Variants in RFX2 observed in about 807,000 individuals in gnomAD.
RFX2 encodes DNA-binding protein RFX2.
RFX2 carries 20 observed loss-of-function variants against 87.8 expected under a neutral mutation model. The observed-to-expected ratio is 0.23, with a 90% CI of 0.16 to 0.33. The LOEUF is 0.33. Among genes scored for constraint, RFX2 ranks in the 10% least tolerant of loss-of-function variants. The pLI, the probability that RFX2 is intolerant of heterozygous loss-of-function variation, is 1.00. For synonymous variants in RFX2, 397 were observed against 431.3 expected, an observed-to-expected ratio of 0.92 and a Z score of 0.98; for missense variants, 767 against 1,012.3, an observed-to-expected ratio of 0.76 and a Z score of 3.29.
chr19:6,030,681 T>C (rs984644155), intron 5 of RFX2, among the ~76,000 whole-genome samples: 2 of 152,156 alleles, frequency 1.3e-5, no homozygotes, highest in African/African-American at 4.8e-5. Context: ...ATAATGGTGA[T>C]TGTACCACAC....
chr19:5,995,500 C>T (rs1034400112), intron 17 of RFX2, 101 bp downstream of exon 17: 19 of 1,222,630 alleles, frequency 1.6e-5, no homozygotes, highest in African/African-American at 3.0e-5. Flanking sequence ...AGGGGCTGCC[C>T]GCATTTCCAC....
rs567656467 is a variant in RFX2 at position 6,064,659 on chromosome 19, C to T, written c.-8-17155G>A. On this transcript the variant is annotated intron_variant, in intron 1 of 17. Transcript: ENST00000303657. The surrounding 1 kb of genome is among the most constrained non-coding windows in gnomAD (Gnocchi z 4.8). ...GTCTCGTCCTGCCTGTGTGACCCTTCCTCCTGACAGCCATCTCTAGAGACA... is the reference window on the plus strand; with the variant it reads ...GTCTCGTCCTGCCTGTGTGACCCTTTCTCCTGACAGCCATCTCTAGAGACA... Among the ~76,000 whole-genome samples, 13 of 152,344 alleles carry T rather than the reference C, an allele frequency of 8.5e-5. No homozygotes were observed. The South Asian group carries it at 2.7e-3, about 32-fold the overall frequency.
At chr19:6,043,675 AT>A (rs2087144883) in intron 3 of RFX2, among the ~76,000 whole-genome samples, 1 of 152,154 alleles carries the variant, frequency 6.6e-6, no homozygotes, top group Non-Finnish European at 1.5e-5. Flanking sequence ...ACCCCCAAAA[AT>A]GTATAATTTG....
In RFX2 at chr19:6,040,163, G is replaced by A. The variant is rs139786825; in HGVS notation, c.339C>T (p.Gly113=). 2.7e-5 allele frequency: 43 copies of A among 1,600,860 alleles called. No homozygotes were observed. The highest frequency in any genetic ancestry group is 1.7e-4 in the Middle Eastern group (1 of 5,986). ...AGGCTGCCACGGTCACCTGGGCACC[G>A]CCTGGGGCCTCGAAGTAAGAAGCCG... The part of the protein sequence containing the change: ...SSTASYFEAP[G]GAQVTVAASS... Residue 113 remains glycine (G), a synonymous_variant, in exon 5 of 18, where the codon GGC becomes GGT. Coordinates refer to ENST00000303657, the MANE Select transcript of RFX2 (RefSeq NM_000635.4). The surrounding 1 kb of genome is among the most constrained non-coding windows in gnomAD (Gnocchi z 6.1).
At position 6,002,519 on chromosome 19, in the gene RFX2, G is replaced by A. The variant is rs925424582; in HGVS notation, c.1650+202C>T. On this transcript the variant is annotated intron_variant, in intron 14 of 17. Transcript: ENST00000303657. This position sits in a 1 kb window ranked among gnomAD's most constrained non-coding sequence, Gnocchi z 6.7. Reference sequence around the variant, plus strand: ...GAAGTGTTGGCCACAGCGCCTGGACGCCAGAGGGCCCTGAGAGATGATGGA... The same window carrying A: ...GAAGTGTTGGCCACAGCGCCTGGACACCAGAGGGCCCTGAGAGATGATGGA... Among the ~76,000 whole-genome samples the A allele has an allele frequency of 4.6e-5, 7 of 152,214 alleles. No homozygotes were observed. The highest frequency in any genetic ancestry group is 7.3e-5 in the Non-Finnish European group (5 of 68,044).
intron 1 of RFX2, chr19:6,109,205 CT>C (rs1196236906): frequency 6.6e-6 from 1 of 151,244 alleles, no homozygotes; most frequent in Non-Finnish European, 1.5e-5. Flanking sequence ...GTTGGTGAAA[CT>C]TTTCTCCCTT....
At position 6,064,848 on chromosome 19, in the gene RFX2, A is replaced by T. The variant is rs1292234965; in HGVS notation, c.-8-17344T>A. Among the ~76,000 whole-genome samples, 1 of 152,184 alleles carries T rather than the reference A, an allele frequency of 6.6e-6. No homozygotes were observed. The highest frequency in any genetic ancestry group is 2.4e-5 in the African/African-American group (1 of 41,442). On this transcript the variant is annotated intron_variant, in intron 1 of 17. Transcript: ENST00000303657. The surrounding 1 kb of genome is among the most constrained non-coding windows in gnomAD (Gnocchi z 4.8). ...CAGTCGTGATTTGATTCTGGAATTT[A>T]AGAAGCGGAGAAAGAGCCTAGTTCA...
rs1568507557 is a variant in RFX2, at chr19:6,016,052, A to C, written c.779+38T>G. 2.6e-6 allele frequency: 4 copies of C among 1,536,816 alleles called. No homozygotes were observed. Among genetic ancestry groups the C allele is most frequent in the Middle Eastern group, 2.3e-4 (1 of 4,402 alleles). ...CAAAAGCTCCATTTCTTGGGAAAGG[A>C]AGAGGAAGAACAGGTGGGCTGGGGA... On this transcript the variant is annotated intron_variant, in intron 7 of 17. Coordinates refer to ENST00000303657, the MANE Select transcript of RFX2 (RefSeq NM_000635.4). The surrounding 1 kb of genome is among the most constrained non-coding windows in gnomAD (Gnocchi z 5.4).
In RFX2 at chr19:6,056,586, G is replaced by A. The variant is rs566873909; in HGVS notation, c.-8-9082C>T. On this transcript the variant is annotated intron_variant, in intron 1 of 17. Transcript: ENST00000303657. This position sits in a 1 kb window ranked among gnomAD's most constrained non-coding sequence, Gnocchi z 4.6. ...CAAGGTAAAGTCCACAGGGCACAGGGACGCACACTGTGGAGCACCTTTGCA... is the reference window on the plus strand; with the variant it reads ...CAAGGTAAAGTCCACAGGGCACAGGAACGCACACTGTGGAGCACCTTTGCA... Among the ~76,000 whole-genome samples the A allele has an allele frequency of 6.6e-6, 1 of 152,288 alleles. No individual in the cohort carries two copies. The highest frequency in any genetic ancestry group is 1.9e-4 in the East Asian group (1 of 5,182).
Position 6,002,809 on chromosome 19 carries a change from G to C in RFX2, c.1562C>G (p.Ala521Gly), listed in dbSNP as rs1015499615. 2.5e-6 allele frequency: 4 copies of C among 1,613,470 alleles called. No individual in the cohort carries two copies. In the African/African-American group the frequency reaches 5.3e-5, roughly 22 times the overall value. The stretch of plus-strand genomic sequence containing the variant: ...CTGCAGCACCGCCCGGGCCGCCTGC[G>C]CCAGGTGGTTGAGGGACGTGTAGCG... ...LRRYTSLNHL[A>G]QAARAVLQNT... The change falls in exon 14 of 18, where the codon GCG becomes GGG. Residue 521 changes from alanine (A) to glycine (G), a missense_variant. Ala to Gly is a moderately conservative substitution (Grantham distance 60, BLOSUM62 0). Transcript: ENST00000303657. This position sits in a 1 kb window ranked among gnomAD's most constrained non-coding sequence, Gnocchi z 6.7.
intron 1 of RFX2, chr19:6,073,110 G>T (rs2087632851): frequency 2.2e-6 from 1 of 447,108 alleles, no homozygotes; most frequent in African/African-American, 2.0e-5. Flanking sequence ...CTCCAGAGTA[G>T]CTGGGATTAC....
intron 1 of RFX2, among the ~76,000 whole-genome samples, chr19:6,079,915 G>T (rs2144855891): frequency 6.9e-6 from 1 of 145,946 alleles, no homozygotes; most frequent in African/African-American, 2.5e-5. Context: ...ATGCAAGTGT[G>T]AAAAACCATA....
chr19:6,010,021 G>T lies in RFX2; in HGVS notation c.1015+115C>A, dbSNP rs79172370. 3,793 of 548,136 alleles carry T rather than the reference G, an allele frequency of 6.9e-3. 88 individuals are homozygous for T. Among genetic ancestry groups the T allele is most frequent in the East Asian group, 0.069 (2,413 of 34,944 alleles). 34.0% of individuals were successfully genotyped at this position (548,136 alleles called of 1,614,324 possible). A position where few individuals can be genotyped will look rare whatever the true frequency, so the allele number is the denominator to read the frequency against. On this transcript the variant is annotated intron_variant, in intron 9 of 17. Transcript: ENST00000303657. This position sits in a 1 kb window ranked among gnomAD's most constrained non-coding sequence, Gnocchi z 5.0. ...TTCTATTTGTCCGAAAAGGTGTCTC[G>T]TAAGAAAACTGTCGGAAGCAGACGC...
intron 3 of RFX2, 77 bp from the exon 4 acceptor site, chr19:6,042,200 T>C: frequency 7.9e-7 from 1 of 1,268,678 alleles, no homozygotes. Flanking sequence ...GCTAGACGTG[T>C]CTTCTATTGC....
chr19:6,104,035 C>T (rs545757299), intron 1 of RFX2, among the ~76,000 whole-genome samples: 27 of 152,122 alleles, frequency 1.8e-4, no homozygotes, highest in Non-Finnish European at 3.4e-4. Flanking sequence ...CTATTATTAT[C>T]GATTTCACAG....
At position 5,999,782 on chromosome 19, in the gene RFX2, C is replaced by A. The variant is rs1310003048; in HGVS notation, c.1859+2033G>T. Among the ~76,000 whole-genome samples, 1 of 151,914 alleles carries A rather than the reference C, an allele frequency of 6.6e-6. No individual in the cohort carries two copies. The highest frequency in any genetic ancestry group is 1.5e-5 in the Non-Finnish European group (1 of 67,998). ...GGCATGCAAAGTGGGAAAGAATGGG[C>A]CGTCTTATTTACAGAGGCTGGGGGT... On this transcript the variant is annotated intron_variant, in intron 15 of 17. Transcript: ENST00000303657. This position sits in a 1 kb window ranked among gnomAD's most constrained non-coding sequence, Gnocchi z 4.1.
At chr19:6,069,975 A>T in intron 1 of RFX2, among the ~76,000 whole-genome samples, 1 of 117,466 alleles carries the variant, frequency 8.5e-6, no homozygotes, top group Non-Finnish European at 1.7e-5. Flanking sequence ...TTGCAAGTGG[A>T]TGTTCTTTCA....
At chr19:6,029,194 T>C (rs1193165347) in intron 5 of RFX2, among the ~76,000 whole-genome samples, 1 of 151,802 alleles carries the variant, frequency 6.6e-6, no homozygotes, top group Non-Finnish European at 1.5e-5. Flanking sequence ...GAATCCAATA[T>C]TCAGCGTCAC....
Position 6,026,506 on chromosome 19 carries a change from G to T in RFX2, c.523-269C>A. On this transcript the variant is annotated intron_variant, in intron 5 of 17. Transcript: ENST00000303657. The surrounding 1 kb of genome is among the most constrained non-coding windows in gnomAD (Gnocchi z 4.5). ...AGCAGAAATCATGTTGTAAAAACTT[G>T]CTACTGAACTTTAACCTGGCATATG... The T allele has an allele frequency of 3.7e-6, 2 of 533,936 alleles. No homozygotes were observed. Among genetic ancestry groups the T allele is most frequent in the East Asian group, 6.6e-5 (2 of 30,172 alleles). The allele number at this position is 533,936 out of a possible 1,614,324, so 33.1% of individuals were successfully genotyped here. A position where few individuals can be genotyped will look rare whatever the true frequency, so the allele number is the denominator to read the frequency against.
Sources: allele counts gnomAD v4.1 joint callset (sites outside exome capture counted in the v4.1 genomes callset), GRCh38; gene constraint gnomAD v4.1.1; non-coding constraint Gnocchi (gnomAD v3.1); transcripts MANE v1.5; gene names NCBI Gene and HGNC (gene_info 2026-07-23, HGNC 2026-07-21).